The following SORCS3 variants were observed in gnomAD, a reference collection of about 807,000 sequenced individuals.
SORCS3 encodes VPS10 domain-containing receptor SorCS3.
In SORCS3, 57 loss-of-function variants were observed where a neutral mutation model predicts 146.3. The observed-to-expected ratio is 0.39, with a 90% CI of 0.31 to 0.49. The LOEUF is 0.49. SORCS3 is among the 20% of genes least tolerant of loss of function. The pLI, the probability that SORCS3 is intolerant of heterozygous loss-of-function variation, is 0.92. For missense variants in SORCS3, 1,341 were observed against 1,575.5 expected, an observed-to-expected ratio of 0.85 and a Z score of 2.52; for synonymous variants, 653 against 618.5, an observed-to-expected ratio of 1.06 and a Z score of -0.83.
chr10:105,027,738 T>C (rs967942788), intron 4 of SORCS3, among the ~76,000 whole-genome samples: 4 of 152,206 alleles, frequency 2.6e-5, no homozygotes, highest in Admixed American at 6.5e-5. Flanking sequence ...CCACATATTT[T>C]GCACTTTTGT....
chr10:104,870,159 A>G (rs1362197873), intron 2 of SORCS3, among the ~76,000 whole-genome samples: 2 of 152,220 alleles, frequency 1.3e-5, no homozygotes, highest in Non-Finnish European at 2.9e-5. Flanking sequence ...ACATTTTACC[A>G]TATTTTTTAT....
intron 6 of SORCS3, among the ~76,000 whole-genome samples, chr10:105,103,716 A>G (rs538236048): frequency 2.0e-5 from 3 of 152,204 alleles, no homozygotes; most frequent in Non-Finnish European, 2.9e-5. Context: ...GAATGGAATC[A>G]ATACTAGACC....
intron 5 of SORCS3, among the ~76,000 whole-genome samples, chr10:105,072,440 G>A (rs1258741949): frequency 1.3e-5 from 2 of 152,130 alleles, no homozygotes; most frequent in African/African-American, 2.4e-5. Flanking sequence ...TTGTCCCAGA[G>A]GGTGTGACTT....
intron 1 of SORCS3, among the ~76,000 whole-genome samples, chr10:104,787,552 G>C (rs1052106664): frequency 6.6e-6 from 1 of 152,044 alleles, no homozygotes; most frequent in East Asian, 1.9e-4. Context: ...GGAGTACTTT[G>C]AACTTAGCTG....
At chr10:104,736,313 T>G (rs1248986554) in intron 1 of SORCS3, among the ~76,000 whole-genome samples, 1 of 152,188 alleles carries the variant, frequency 6.6e-6, no homozygotes, top group Non-Finnish European at 1.5e-5. Context: ...GGGGCAGGAC[T>G]GAGCTTGTTA....
At chr10:104,710,701 C>T (rs1293106963) in intron 1 of SORCS3, among the ~76,000 whole-genome samples, 1 of 145,678 alleles carries the variant, frequency 6.9e-6, no homozygotes, top group East Asian at 2.0e-4. Flanking sequence ...AATGAATTGT[C>T]CTGAACTGAA....
intron 5 of SORCS3, among the ~76,000 whole-genome samples, chr10:105,057,874 G>A (rs2055456182): frequency 6.6e-6 from 1 of 152,104 alleles, no homozygotes; most frequent in African/African-American, 2.4e-5. Flanking sequence ...ATACAATGAG[G>A]GACAAAATTC....
intron 1 of SORCS3, among the ~76,000 whole-genome samples, chr10:104,715,318 C>T (rs1488085447): frequency 6.6e-6 from 1 of 152,158 alleles, no homozygotes; most frequent in Non-Finnish European, 1.5e-5. Flanking sequence ...CACTCTCTCT[C>T]TTCTTAAGTT....
At chr10:104,928,568 G>A (rs1344222199) in intron 3 of SORCS3, among the ~76,000 whole-genome samples, 1 of 151,944 alleles carries the variant, frequency 6.6e-6, no homozygotes, top group Non-Finnish European at 1.5e-5. Flanking sequence ...ATTGCTACTG[G>A]CATGCATGCC....
chr10:105,262,330 G>C lies in SORCS3; in HGVS notation c.3444-1G>C. The stretch of plus-strand genomic sequence containing the variant: ...CCTGATTTTGCTCCTGTCCCATGTA[G>C]GAAAATCCCTTGGATTAACATCTAT... On this transcript the variant is annotated splice_acceptor_variant, in intron 25 of 26. Transcript: ENST00000369701. LOFTEE classifies it high-confidence loss of function. The C allele has an allele frequency of 6.2e-7, 1 of 1,612,282 alleles. No homozygotes were observed. The highest frequency in any genetic ancestry group is 8.5e-7 in the Non-Finnish European group (1 of 1,178,688).
intron 1 of SORCS3, among the ~76,000 whole-genome samples, chr10:104,703,323 T>G (rs1215093590): frequency 6.6e-6 from 1 of 152,208 alleles, no homozygotes. Context: ...TGAACTAATT[T>G]ATGTTCCCAA....
chr10:105,237,011 G>T (rs1366532103), intron 20 of SORCS3, among the ~76,000 whole-genome samples: 1 of 151,978 alleles, frequency 6.6e-6, no homozygotes, highest in South Asian at 2.1e-4. Context: ...ATTACATACT[G>T]GCATTATAAT....
chr10:104,765,536 A>G (rs2017169522), intron 1 of SORCS3, among the ~76,000 whole-genome samples: 1 of 152,198 alleles, frequency 6.6e-6, no homozygotes, highest in African/African-American at 2.4e-5. Context: ...CACAGCAGGT[A>G]TTCAGTCACT....
rs117448049 is a variant in SORCS3 at position 105,032,534 on chromosome 10, G to A, written c.955-10521G>A. ...TTGAATGAACTCAGATTTTCTGAGC[G>A]CTACTAATACTAAAATTATGAGGAT... On this transcript the variant is annotated intron_variant, in intron 4 of 26. Transcript: ENST00000369701. Among the ~76,000 whole-genome samples the A allele has an allele frequency of 3.3e-3, 495 of 152,194 alleles. 3 individuals carry two copies. The highest frequency in any genetic ancestry group is 0.01 in the African/African-American group (419 of 41,532).
intron 1 of SORCS3, among the ~76,000 whole-genome samples, chr10:104,686,666 A>G (rs1279661072): frequency 2.0e-5 from 3 of 152,074 alleles, no homozygotes; most frequent in Non-Finnish European, 4.4e-5. Flanking sequence ...ATGCATTCCT[A>G]TCTGTCCAGT....
intron 7 of SORCS3, among the ~76,000 whole-genome samples, chr10:105,126,341 G>T (rs2055973857): frequency 6.6e-6 from 1 of 152,052 alleles, no homozygotes; most frequent in South Asian, 2.1e-4. Context: ...TCTCCGGCTT[G>T]ACTGGTAATC....
chr10:104,759,581 C>A (rs76979949), intron 1 of SORCS3, among the ~76,000 whole-genome samples: 1,874 of 152,240 alleles, frequency 0.012, 31 homozygotes, highest in African/African-American at 0.038. Flanking sequence ...TTATATGTGA[C>A]CTTTTATCTG....
chr10:104,947,057 C>T (rs1007823783), intron 3 of SORCS3, among the ~76,000 whole-genome samples: 10 of 152,112 alleles, frequency 6.6e-5, no homozygotes, highest in Admixed American at 5.9e-4. Context: ...TAGATGGCAG[C>T]TCACGTTCTA....
chr10:105,243,837 GA>G, intron 20 of SORCS3, among the ~76,000 whole-genome samples: 1 of 152,316 alleles, frequency 6.6e-6, no homozygotes, highest in South Asian at 2.1e-4. Context: ...AAGGCCAGTT[GA>G]AAAGTCTGAG....
Sources: gnomAD v4.1 joint callset for allele counts (sites outside exome capture counted in the v4.1 genomes callset) on GRCh38, gnomAD v4.1.1 for gene constraint, MANE v1.5 for transcripts, NCBI Gene and HGNC (gene_info 2026-07-23, HGNC 2026-07-21) for gene names.